The following CCDC27 variants were observed in gnomAD, a reference collection of about 807,000 sequenced individuals.
CCDC27 encodes the protein coiled-coil domain-containing protein 27.
A neutral mutation model predicts 80.3 loss-of-function variants in CCDC27; 80 were observed. The observed-to-expected ratio is 1.00, with a 90% CI of 0.83 to 1.20. The LOEUF (loss-of-function observed/expected upper bound fraction) is 1.20. Ranked by LOEUF, CCDC27 falls within the 50% of genes most tolerant of loss-of-function variation. CCDC27 has a pLI of 0.00. For synonymous variants in CCDC27, 342 were observed against 334.3 expected, an observed-to-expected ratio of 1.02 and a Z score of -0.25; for missense variants, 815 against 809.4, an observed-to-expected ratio of 1.01 and a Z score of -0.08.
In CCDC27 at chr1:3,768,240, G is replaced by C. The variant is rs1026159469; in HGVS notation, c.1743+795G>C. Among the ~76,000 whole-genome samples, 2 of 152,016 alleles carry C rather than the reference G, an allele frequency of 1.3e-5. No individual in the cohort carries two copies. Among genetic ancestry groups the C allele is most frequent in the African/African-American group, 4.8e-5 (2 of 41,388 alleles). Reference sequence around the variant, plus strand: ...AGCCTCCTGAGTAGCTGGGACCACAGGCATGTGCCACCATACCTGGCCAAT... The same window carrying C: ...AGCCTCCTGAGTAGCTGGGACCACACGCATGTGCCACCATACCTGGCCAAT... On this transcript the variant is annotated intron_variant, in intron 10 of 11. Coordinates refer to ENST00000294600, the MANE Select transcript of CCDC27 (RefSeq NM_152492.3). This position sits in a 1 kb window ranked among gnomAD's most constrained non-coding sequence, Gnocchi z 5.6.
chr1:3,762,950 G>C (rs6699385), intron 6 of CCDC27, 158 bp from the exon 7 acceptor site: 39,830 of 974,876 alleles, frequency 0.041, 5,283 homozygotes, highest in African/African-American at 0.37. Context: ...CTGGGCCACT[G>C]TTGGTGACCT....
chr1:3,771,610 T>G lies in CCDC27; in HGVS notation c.*87T>G. ...CCCGCCCCCACCATGCGTCCTGCTC[T>G]CAGACTCAGAATTAAACCCCGGTGT... On this transcript the variant is annotated 3_prime_UTR_variant, in exon 12 of 12. Transcript: ENST00000294600. 6.9e-7 allele frequency: 1 copy of G among 1,452,426 alleles called. No homozygotes were observed. Among genetic ancestry groups the G allele is most frequent in the Admixed American group, 2.0e-5 (1 of 49,860 alleles). The allele number at this position is 1,452,426 out of a possible 1,614,324, so 90.0% of individuals were successfully genotyped here.
chr1:3,759,490 T>C (rs540486909), intron 4 of CCDC27, among the ~76,000 whole-genome samples: 8 of 152,384 alleles, frequency 5.2e-5, no homozygotes, highest in African/African-American at 1.7e-4. Context: ...GTTTTATCAA[T>C]TTTAATAACC....
In CCDC27 at chr1:3,767,412, C is replaced by A; in HGVS notation, c.1710C>A (p.His570Gln). 1 of 1,613,404 alleles carries A rather than the reference C, an allele frequency of 6.2e-7. No homozygotes were observed. Among genetic ancestry groups the A allele is most frequent in the Non-Finnish European group, 8.5e-7 (1 of 1,180,008 alleles). The part of the protein sequence containing the change: ...KKEMIQQAEQ[H>Q]TRVALESSQS... ...AGATGATTCAGCAGGCAGAGCAGCACACCCGCGTGGCCCTGGAGAGCTCCC... is the reference window on the plus strand; with the variant it reads ...AGATGATTCAGCAGGCAGAGCAGCAAACCCGCGTGGCCCTGGAGAGCTCCC... The change falls in exon 10 of 12, where the codon CAC becomes CAA. Residue 570 changes from histidine (H) to glutamine (Q), a missense_variant. Transcript: ENST00000294600.
rs2124593610 is a variant in CCDC27, at chr1:3,761,574, T to G, written c.861+144T>G. On this transcript the variant is annotated intron_variant, in intron 5 of 11. Transcript: ENST00000294600. The surrounding 1 kb of genome is among the most constrained non-coding windows in gnomAD (Gnocchi z 5.0). ...GGTCCTCACTGGAACGTGGACCGGTTCTCAGGGTTCTGATCAACAGGCAGG... is the reference window on the plus strand; with the variant it reads ...GGTCCTCACTGGAACGTGGACCGGTGCTCAGGGTTCTGATCAACAGGCAGG... 46 of 939,280 alleles carry G rather than the reference T, an allele frequency of 4.9e-5. No individual in the cohort carries two copies. Among genetic ancestry groups the G allele is most frequent in the Non-Finnish European group, 6.5e-5 (42 of 645,464 alleles). 58.2% of individuals were successfully genotyped at this position (939,280 alleles called of 1,614,324 possible). A position where few individuals can be genotyped will look rare whatever the true frequency, so the allele number is the denominator to read the frequency against.
rs113499114 is a variant in CCDC27, at chr1:3,755,695, C to T, written c.553+128C>T. 620 of 762,358 alleles carry T rather than the reference C, an allele frequency of 8.1e-4. 2 individuals carry two copies. The African/African-American group carries it at 9.6e-3, about 12-fold the overall frequency. 47.2% of individuals were successfully genotyped at this position (762,358 alleles called of 1,614,324 possible). A position where few individuals can be genotyped will look rare whatever the true frequency, so the allele number is the denominator to read the frequency against. On this transcript the variant is annotated intron_variant, in intron 3 of 11. Transcript: ENST00000294600. ...GGACTGTCTGCCTCCTGAGGACTCA[C>T]ACAGAAAGGCCTCCGGGCCTCCCTT...
intron 5 of CCDC27, among the ~76,000 whole-genome samples, chr1:3,762,259 C>T (rs953873435): frequency 1.3e-5 from 2 of 152,162 alleles, no homozygotes; most frequent in Non-Finnish European, 2.9e-5. Flanking sequence ...GGCCAGCCGG[C>T]GGCTTCCACT....
At position 3,763,524 on chromosome 1, in the gene CCDC27, G is replaced by A; in HGVS notation, c.1321+50G>A. On this transcript the variant is annotated intron_variant, in intron 7 of 11. Coordinates refer to ENST00000294600, the MANE Select transcript of CCDC27 (RefSeq NM_152492.3). This position sits in a 1 kb window ranked among gnomAD's most constrained non-coding sequence, Gnocchi z 7.5. ...GGCTTTGGCCACTCAGTGGTTCCCG[G>A]CCCAGGAGCTGGGACGCCCAGACGC... 1.9e-6 allele frequency: 3 copies of A among 1,551,628 alleles called. No homozygotes were observed. Among genetic ancestry groups the A allele is most frequent in the Non-Finnish European group, 2.6e-6 (3 of 1,148,520 alleles).
intron 11 of CCDC27, among the ~76,000 whole-genome samples, chr1:3,770,200 C>A (rs1392298737): frequency 6.6e-6 from 1 of 152,158 alleles, no homozygotes. Flanking sequence ...GCTCAGGGCA[C>A]GAAGATTCTC....
At chr1:3,764,107 G>A (rs1643169884) in intron 8 of CCDC27, among the ~76,000 whole-genome samples, 1 of 152,200 alleles carries the variant, frequency 6.6e-6, no homozygotes, top group Admixed American at 6.5e-5. Flanking sequence ...CTGAGCCGCT[G>A]TGCTCTTGGC....
intron 6 of CCDC27, 122 bp from the exon 7 acceptor site, chr1:3,762,986 C>G (rs1432274685): frequency 2.4e-6 from 3 of 1,270,222 alleles, no homozygotes; most frequent in Admixed American, 3.0e-5. Context: ...CTCCCACTCC[C>G]TGGACCCTGC....
Position 3,767,350 on chromosome 1 carries a change from T to C in CCDC27, c.1648T>C (p.Trp550Arg). Residue 550 changes from tryptophan (W) to arginine (R), a missense_variant, in exon 10 of 12, where the codon TGG (tryptophan) becomes CGG (arginine). By Grantham distance (101) the Trp-to-Arg change is moderately radical. Transcript: ENST00000294600. ...VELDQNHLQRWKQLQEDLQSK... is the reference protein window; with the variant it reads ...VELDQNHLQRRKQLQEDLQSK... ...ACTGGACCAGAACCACCTGCAGAGG[T>C]GGAAGCAGCTGCAGGAGGATTTGCA... is the stretch of plus-strand genomic sequence containing the variant. The C allele has an allele frequency of 6.2e-7, 1 of 1,613,452 alleles. No homozygotes were observed. The highest frequency in any genetic ancestry group is 8.5e-7 in the Non-Finnish European group (1 of 1,179,868).
chr1:3,771,541 A>G lies in CCDC27; in HGVS notation c.*18A>G. On this transcript the variant is annotated 3_prime_UTR_variant, in exon 12 of 12. Transcript: ENST00000294600. ...CCAAGTAGGCCCAGCCAGGCCCCCA[A>G]ATACGGTCAGCCCAGCAGAGGCCGG... 6.2e-7 allele frequency: 1 copy of G among 1,612,438 alleles called. No individual in the cohort carries two copies. Among genetic ancestry groups the G allele is most frequent in the Non-Finnish European group, 8.5e-7 (1 of 1,179,892 alleles).
intron 11 of CCDC27, 75 bp from the exon 12 acceptor site, chr1:3,771,326 G>A (rs566742361): frequency 1.9e-5 from 31 of 1,596,454 alleles, no homozygotes; most frequent in Non-Finnish European, 2.6e-5. Flanking sequence ...CAGCTGGCAC[G>A]GACTGTGCAG....
In CCDC27 at chr1:3,763,212, G is replaced by T. The variant is rs750596926; in HGVS notation, c.1059G>T (p.Thr353=). 3.3e-6 allele frequency: 5 copies of T among 1,536,082 alleles called. No individual in the cohort carries two copies. Among genetic ancestry groups the T allele is most frequent in the Non-Finnish European group, 2.6e-6 (3 of 1,137,994 alleles). The part of the protein sequence containing the change: ...LEGEPDGVED[T]GAWGGVSQMG... ...GGGAGCCCGATGGGGTGGAGGACACGGGTGCCTGGGGAGGTGTGAGCCAGA... is the reference window on the plus strand; with the variant it reads ...GGGAGCCCGATGGGGTGGAGGACACTGGTGCCTGGGGAGGTGTGAGCCAGA... The change falls in exon 7 of 12, where the codon ACG becomes ACT. Residue 353 remains threonine (T), a synonymous_variant. Transcript: ENST00000294600. This position sits in a 1 kb window ranked among gnomAD's most constrained non-coding sequence, Gnocchi z 7.5.
chr1:3,771,615 C>T lies in CCDC27; in HGVS notation c.*92C>T. 6 of 1,430,530 alleles carry T rather than the reference C, an allele frequency of 4.2e-6. No individual in the cohort carries two copies. The highest frequency in any genetic ancestry group is 5.1e-4 in the Middle Eastern group (2 of 3,930). 88.6% of individuals were successfully genotyped at this position (1,430,530 alleles called of 1,614,324 possible). On this transcript the variant is annotated 3_prime_UTR_variant, in exon 12 of 12. Transcript: ENST00000294600. ...CCCCACCATGCGTCCTGCTCTCAGA[C>T]TCAGAATTAAACCCCGGTGTTGGCA...
chr1:3,752,928 G>C, intron 1 of CCDC27, 129 bp downstream of exon 1: 1 of 1,083,532 alleles, frequency 9.2e-7, no homozygotes, highest in East Asian at 2.6e-5. Context: ...TTACCAAAGG[G>C]GGATTCCAGG....
At chr1:3,767,597 T>C (rs994393133) in intron 10 of CCDC27, 152 bp downstream of exon 10, 20 of 656,104 alleles carry the variant, frequency 3.0e-5, no homozygotes, top group Non-Finnish European at 5.3e-5. Flanking sequence ...CACACAGAGT[T>C]GACACTCAAG....
intron 3 of CCDC27, 51 bp downstream of exon 3, chr1:3,755,618 G>A (rs746556620): frequency 1.9e-5 from 27 of 1,452,200 alleles, no homozygotes; most frequent in Admixed American, 1.0e-4. Flanking sequence ...CCCTGAGCTC[G>A]AGGCCTGCTT....
Sources: gnomAD v4.1 joint callset for allele counts (sites outside exome capture counted in the v4.1 genomes callset) on GRCh38, gnomAD v4.1.1 for gene constraint, Gnocchi (gnomAD v3.1) non-coding constraint, MANE v1.5 for transcripts, NCBI Gene and HGNC (gene_info 2026-07-23, HGNC 2026-07-21) for gene names.